DEUP1: variants seen among roughly 807,000 people sequenced by gnomAD.
DEUP1 encodes the protein coiled-coil domain containing 67.
In DEUP1, 82 loss-of-function variants were observed where a neutral mutation model predicts 87.4. The observed-to-expected ratio is 0.94, with a 90% CI of 0.78 to 1.13. The LOEUF is 1.13. Ranked by LOEUF, DEUP1 falls within the 50% of genes most tolerant of loss-of-function variation. The pLI, the probability that DEUP1 is intolerant of heterozygous loss-of-function variation, is 0.00. For synonymous variants in DEUP1, 214 were observed against 222.7 expected, an observed-to-expected ratio of 0.96 and a Z score of 0.35; for missense variants, 663 against 681.5, an observed-to-expected ratio of 0.97 and a Z score of 0.30.
chr11:93,431,944 T>C (rs1056189771), intron 13 of DEUP1, among the ~76,000 whole-genome samples: 1 of 152,178 alleles, frequency 6.6e-6, no homozygotes, highest in African/African-American at 2.4e-5. Context: ...GGCATATAAG[T>C]TTAAAATGTT....
chr11:93,393,429 C>G (rs527886086), intron 9 of DEUP1, among the ~76,000 whole-genome samples: 7 of 151,980 alleles, frequency 4.6e-5, no homozygotes, highest in African/African-American at 1.4e-4. Context: ...ACCTCTGCCC[C>G]CTGGGTTCCA....
intron 13 of DEUP1, among the ~76,000 whole-genome samples, chr11:93,433,263 C>CA (rs1948153397): frequency 6.6e-6 from 1 of 152,200 alleles, no homozygotes; most frequent in South Asian, 2.1e-4. Context: ...CTGTGGCTCA[C>CA]ACCTACAATC....
chr11:93,347,486 G>T (rs1436400793), intron 2 of DEUP1, among the ~76,000 whole-genome samples: 1 of 151,814 alleles, frequency 6.6e-6, no homozygotes, highest in Admixed American at 6.6e-5. Context: ...TTCTTTTTTT[G>T]TTTTATCTCT....
intron 9 of DEUP1, among the ~76,000 whole-genome samples, chr11:93,391,787 A>G (rs1946773484): frequency 6.6e-6 from 1 of 152,092 alleles, no homozygotes; most frequent in South Asian, 2.1e-4. Context: ...AGCAAAATCC[A>G]TACTGGGACA....
chr11:93,354,658 A>G (rs1944794648), intron 2 of DEUP1, among the ~76,000 whole-genome samples: 1 of 152,130 alleles, frequency 6.6e-6, no homozygotes, highest in Non-Finnish European at 1.5e-5. Flanking sequence ...GAGGCAAGAG[A>G]AAATGAGGAA....
intron 13 of DEUP1, 100 bp from the exon 14 acceptor site, chr11:93,437,443 C>A: frequency 1.2e-6 from 1 of 808,494 alleles, no homozygotes. Flanking sequence ...TTAAGAGCTG[C>A]GGTGTTTGAC....
At position 93,371,178 on chromosome 11, in the gene DEUP1, A is replaced by G; in HGVS notation, c.687A>G (p.Lys229=). 6.2e-7 allele frequency: 1 copy of G among 1,613,260 alleles called. No individual in the cohort carries two copies. Among genetic ancestry groups the G allele is most frequent in the Non-Finnish European group, 8.5e-7 (1 of 1,179,520 alleles). ...INERDEFIIE[K]LKSAVNEIAL... ...AAAGAGATGAGTTCATTATTGAAAA[A>G]CTGAAATCAGCTGTAAATGAGATAG... The change falls in exon 7 of 14, where the codon AAA becomes AAG. Residue 229 remains lysine (K), a synonymous_variant. Coordinates refer to ENST00000298050, the MANE Select transcript of DEUP1 (RefSeq NM_181645.4).
chr11:93,392,620 T>G lies in DEUP1; in HGVS notation c.1042-1839T>G, dbSNP rs146781937. On this transcript the variant is annotated intron_variant, in intron 9 of 13. Coordinates refer to ENST00000298050, the MANE Select transcript of DEUP1 (RefSeq NM_181645.4). ...AATACTGCCTAGATACTTGATGATA[T>G]TAAGGAATTCTTAATCTTTACAGAC... is the stretch of plus-strand genomic sequence containing the variant. 7.5e-3 allele frequency among the ~76,000 whole-genome samples: 1,141 copies of G among 152,246 alleles called. 19 individuals carry two copies. Among genetic ancestry groups the G allele is most frequent in the African/African-American group, 0.027 (1,102 of 41,558 alleles).
intron 5 of DEUP1, among the ~76,000 whole-genome samples, chr11:93,367,138 G>A (rs1339207321): frequency 6.6e-6 from 1 of 151,906 alleles, no homozygotes; most frequent in Non-Finnish European, 1.5e-5. Context: ...ATATGTGGAG[G>A]GTCTTTCCAT....
chr11:93,404,784 G>A (rs1262927548), intron 11 of DEUP1, among the ~76,000 whole-genome samples: 1 of 151,852 alleles, frequency 6.6e-6, no homozygotes, highest in Non-Finnish European at 1.5e-5. Context: ...GAGTAAATGG[G>A]TAAAAAGAAT....
chr11:93,400,690 A>G (rs7130784), intron 11 of DEUP1, among the ~76,000 whole-genome samples: 10,117 of 152,178 alleles, frequency 0.066, 1,108 homozygotes, highest in African/African-American at 0.22. Flanking sequence ...ATTGGATTCT[A>G]TATGATAATA....
intron 7 of DEUP1, among the ~76,000 whole-genome samples, chr11:93,379,429 T>A (rs771301789): frequency 1.3e-5 from 2 of 152,222 alleles, no homozygotes; most frequent in Non-Finnish European, 2.9e-5. Context: ...AGGGAAAGAC[T>A]GTACATTGAG....
intron 2 of DEUP1, among the ~76,000 whole-genome samples, chr11:93,341,250 T>C (rs185610678): frequency 0.013 from 1,623 of 125,822 alleles, 32 homozygotes; most frequent in African/African-American, 0.043. Context: ...AGACCCTGTC[T>C]CTACAAAAAA....
At chr11:93,393,206 G>C (rs1275614915) in intron 9 of DEUP1, among the ~76,000 whole-genome samples, 1 of 148,506 alleles carries the variant, frequency 6.7e-6, no homozygotes, top group African/African-American at 2.5e-5. Context: ...TCCCACCCCA[G>C]TGCCCCTTCC....
chr11:93,343,727 A>G (rs1466830147), intron 2 of DEUP1, among the ~76,000 whole-genome samples: 1 of 152,242 alleles, frequency 6.6e-6, no homozygotes, highest in African/African-American at 2.4e-5. Context: ...TATAATTCTG[A>G]TAAAACAATT....
At chr11:93,332,191 A>G in intron 1 of DEUP1, 25 bp from the exon 2 acceptor site, 2 of 1,423,696 alleles carry the variant, frequency 1.4e-6, no homozygotes, top group Non-Finnish European at 1.9e-6. Context: ...CATTTTAGGA[A>G]CTTGTATCAT....
At chr11:93,414,403 C>T (rs1947540717) in intron 12 of DEUP1, among the ~76,000 whole-genome samples, 1 of 152,006 alleles carries the variant, frequency 6.6e-6, no homozygotes, top group African/African-American at 2.4e-5. Context: ...ATCCCAGCTA[C>T]TCAGGAGACA....
chr11:93,411,040 A>T (rs1167773302), intron 12 of DEUP1: 5 of 152,226 alleles, frequency 3.3e-5, no homozygotes, highest in Non-Finnish European at 5.9e-5. Context: ...AATGTTCTGA[A>T]TAAATTATTA....
chr11:93,366,852 T>C (rs1945442340), intron 5 of DEUP1, among the ~76,000 whole-genome samples: 1 of 152,200 alleles, frequency 6.6e-6, no homozygotes, highest in African/African-American at 2.4e-5. Context: ...TGTGAACAGC[T>C]TAAGTCAATC....
Sources: gnomAD v4.1 joint callset for allele counts (sites outside exome capture counted in the v4.1 genomes callset) on GRCh38, gnomAD v4.1.1 for gene constraint, MANE v1.5 for transcripts, NCBI Gene and HGNC (gene_info 2026-07-23, HGNC 2026-07-21) for gene names.